The following FOXJ3 variants were observed in gnomAD, a reference collection of about 807,000 sequenced individuals.
FOXJ3 encodes the protein forkhead box protein J3.
Under a neutral mutation model 76.1 loss-of-function variants are expected in FOXJ3, and 22 were observed. The ratio of observed to expected loss-of-function variants is 0.29; its 90% CI spans 0.21 to 0.41. FOXJ3 has a LOEUF of 0.41. Ranked by LOEUF, FOXJ3 falls within the 10% of genes least tolerant of loss-of-function variation. The pLI, the probability that FOXJ3 is intolerant of heterozygous loss-of-function variation, is 1.00. For missense variants in FOXJ3, 613 were observed against 762.1 expected (o/e 0.80, Z 2.30); for synonymous variants, 269 against 261.2 (o/e 1.03, Z -0.29).
At chr1:42,301,072 G>C (rs189371694) in intron 2 of FOXJ3, among the ~76,000 whole-genome samples, 324 of 152,238 alleles carry the variant, frequency 2.1e-3, no homozygotes, top group Non-Finnish European at 3.9e-3. Flanking sequence ...TCCCAGACTA[G>C]GGAAGTTTTC....
intron 6 of FOXJ3, among the ~76,000 whole-genome samples, chr1:42,203,269 G>A (rs1455417231): frequency 6.6e-6 from 1 of 152,032 alleles, no homozygotes; most frequent in East Asian, 1.9e-4. Flanking sequence ...TCAATCACTT[G>A]TTTACATTGT....
At chr1:42,320,194 T>TA (rs1348798719) in intron 1 of FOXJ3, among the ~76,000 whole-genome samples, 1 of 152,052 alleles carries the variant, frequency 6.6e-6, no homozygotes. Flanking sequence ...CTAGTGTCAA[T>TA]AAAAGAGGTG....
At chr1:42,276,304 C>T (rs1652254412) in intron 3 of FOXJ3, among the ~76,000 whole-genome samples, 4 of 151,794 alleles carry the variant, frequency 2.6e-5, no homozygotes, top group South Asian at 2.1e-4. Context: ...TACAGTGAGC[C>T]GACATGGTGC....
rs1431878858 is a variant in FOXJ3 at position 42,214,556 on chromosome 1, A to G, written c.529-8693T>C. Among the ~76,000 whole-genome samples the G allele has an allele frequency of 3.3e-5, 5 of 152,330 alleles. No individual in the cohort carries two copies. The East Asian group carries it at 5.8e-4, about 18-fold the overall frequency. ...ACCCCTATAGACCAACCTTCTGCTGATAACTATAAAGTATTATGGTGAGAA... is the reference window on the plus strand; with the variant it reads ...ACCCCTATAGACCAACCTTCTGCTGGTAACTATAAAGTATTATGGTGAGAA... On this transcript the variant is annotated intron_variant, in intron 5 of 12. Coordinates refer to ENST00000361346, the MANE Select transcript of FOXJ3 (RefSeq NM_014947.5).
chr1:42,205,769 G>C lies in FOXJ3; in HGVS notation c.623C>G (p.Thr208Ser). 1 of 1,560,550 alleles carries C rather than the reference G, an allele frequency of 6.4e-7. No individual in the cohort carries two copies. Among genetic ancestry groups the C allele is most frequent in the Non-Finnish European group, 8.8e-7 (1 of 1,131,640 alleles). ...TTAAAAAAATGAAATTACTTTGTTA[G>C]TCACAGTGTTGATTGCCAGAGTTGG... ...ASPTLAINTV[T>S]NKVTLYNTDQ... The change falls in exon 6 of 13, where the codon ACT (threonine) becomes AGT (serine). Residue 208 changes from threonine to serine, a missense_variant. Physicochemically the swap from Thr to Ser is moderately conservative, Grantham distance 58. Transcript: ENST00000361346.
chr1:42,285,760 C>T (rs577152267), intron 2 of FOXJ3, among the ~76,000 whole-genome samples: 1 of 152,332 alleles, frequency 6.6e-6, no homozygotes, highest in East Asian at 1.9e-4. Flanking sequence ...GTCTCTGCCA[C>T]TCCTATCCAG....
chr1:42,196,662 C>A (rs983003943), intron 7 of FOXJ3, among the ~76,000 whole-genome samples: 1 of 152,182 alleles, frequency 6.6e-6, no homozygotes, highest in Non-Finnish European at 1.5e-5. Context: ...CATTGCACTT[C>A]AGTCTGGGCG....
chr1:42,331,942 A>G (rs1656190756), intron 1 of FOXJ3, among the ~76,000 whole-genome samples: 1 of 152,222 alleles, frequency 6.6e-6, no homozygotes, highest in African/African-American at 2.4e-5. Flanking sequence ...TTACCATATC[A>G]GATACTAATG....
chr1:42,324,146 C>CACTGTGTATATACAGTATATATACTG (rs1553170613), intron 1 of FOXJ3, among the ~76,000 whole-genome samples: 3 of 85,762 alleles, frequency 3.5e-5, no homozygotes, highest in African/African-American at 1.1e-4. Context: ...AGTATATATA[C>CACTGTGTATATACAGTATATATACTG]TATATATACA....
chr1:42,267,066 C>T (rs757497944), intron 3 of FOXJ3, among the ~76,000 whole-genome samples: 20 of 151,986 alleles, frequency 1.3e-4, no homozygotes, highest in Non-Finnish European at 1.8e-4. Context: ...AGAAGAGGCG[C>T]GAAACTCTCA....
chr1:42,223,228 A>G (rs1647293213), intron 5 of FOXJ3, among the ~76,000 whole-genome samples: 1 of 152,178 alleles, frequency 6.6e-6, no homozygotes, highest in Admixed American at 6.5e-5. Flanking sequence ...TTATGTATAT[A>G]TCCCTAGCTC....
intron 4 of FOXJ3, among the ~76,000 whole-genome samples, chr1:42,244,078 C>T (rs564783999): frequency 6.6e-5 from 10 of 151,582 alleles, no homozygotes; most frequent in Non-Finnish European, 1.2e-4. Context: ...ACTATTGGCT[C>T]AATAAAGAAA....
intron 1 of FOXJ3, among the ~76,000 whole-genome samples, chr1:42,319,436 G>A (rs1241415900): frequency 6.6e-6 from 1 of 152,146 alleles, no homozygotes; most frequent in Non-Finnish European, 1.5e-5. Flanking sequence ...TACATCAAAC[G>A]TCCAAAATAG....
At chr1:42,291,654 T>G (rs955052828) in intron 2 of FOXJ3, among the ~76,000 whole-genome samples, 14 of 151,832 alleles carry the variant, frequency 9.2e-5, no homozygotes, top group Non-Finnish European at 1.5e-4. Context: ...AAAAAATTTT[T>G]GTTTTTGTTT....
chr1:42,323,747 C>T (rs995989473), intron 1 of FOXJ3: 4 of 909,534 alleles, frequency 4.4e-6, no homozygotes, highest in African/African-American at 3.6e-5. Flanking sequence ...GAGATATATG[C>T]TGAATAATCA....
rs375897511 is a variant in FOXJ3, at chr1:42,299,505, T to TG, written c.44+11544dup. On this transcript the variant is annotated intron_variant, in intron 2 of 12. Coordinates refer to ENST00000361346, the MANE Select transcript of FOXJ3 (RefSeq NM_014947.5). ...TGTAACTGTCTTTAACCAGTGTGTG[T>TG]GGGGGGGTCTCTTGCTGGCAGCAGA... is the stretch of plus-strand genomic sequence containing the variant. Among the ~76,000 whole-genome samples the TG allele has an allele frequency of 3.3e-3, 494 of 151,680 alleles. 4 individuals are homozygous for TG. Among genetic ancestry groups the TG allele is most frequent in the African/African-American group, 0.011 (453 of 41,402 alleles).
chr1:42,239,622 T>G (rs1179350941), intron 4 of FOXJ3, among the ~76,000 whole-genome samples: 1 of 152,216 alleles, frequency 6.6e-6, no homozygotes, highest in African/African-American at 2.4e-5. Flanking sequence ...ACCTATCTTG[T>G]AAACACTGAT....
intron 8 of FOXJ3, among the ~76,000 whole-genome samples, chr1:42,194,028 G>T (rs2124221493): frequency 6.6e-6 from 1 of 152,258 alleles, no homozygotes; most frequent in Non-Finnish European, 1.5e-5. Flanking sequence ...CATATCTGCT[G>T]GTTCCTTGAT....
intron 9 of FOXJ3, among the ~76,000 whole-genome samples, chr1:42,190,548 T>TA (rs1018231264): frequency 6.6e-6 from 1 of 152,088 alleles, no homozygotes; most frequent in Non-Finnish European, 1.5e-5. Flanking sequence ...ACTTCATGGA[T>TA]AAGGAAACCA....
Sources: gnomAD v4.1 joint callset for allele counts (sites outside exome capture counted in the v4.1 genomes callset) on GRCh38, gnomAD v4.1.1 for gene constraint, MANE v1.5 for transcripts, NCBI Gene and HGNC (gene_info 2026-07-23, HGNC 2026-07-21) for gene names.